Variants in RNF150 observed in about 807,000 individuals in gnomAD.
RNF150 encodes the protein ring finger protein 150.
In RNF150, 24 loss-of-function variants were observed where a neutral mutation model predicts 39.3. The ratio of observed to expected loss-of-function variants is 0.61; its 90% CI spans 0.44 to 0.86. The LOEUF (loss-of-function observed/expected upper bound fraction) is 0.86, where lower values mean the gene tolerates loss of function less well. RNF150 is among the 40% of genes least tolerant of loss of function. The probability of loss-of-function intolerance (pLI) is 0.00; values close to 1 mark genes in which losing one functional copy is unlikely to be tolerated. For missense variants in RNF150, 502 were observed against 587.8 expected (o/e 0.85, Z 1.51); for synonymous variants, 255 against 227.3 (o/e 1.12, Z -1.10).
At chr4:141,134,067 T>C (rs1036709282), upstream of RNF150, among the ~76,000 whole-genome samples, 1 of 152,212 alleles carries the variant, frequency 6.6e-6, no homozygotes, top group Non-Finnish European at 1.5e-5. Context: ...TTCGTTTTCT[T>C]ATAGAATAGG....
At chr4:140,971,665 A>G (rs1282459222) in intron 1 of RNF150, among the ~76,000 whole-genome samples, 1 of 152,174 alleles carries the variant, frequency 6.6e-6, no homozygotes, top group East Asian at 1.9e-4. Context: ...CTGTATTTTT[A>G]GTGCTTCCTT....
chr4:141,088,961 T>C (rs1353711931), intron 1 of RNF150, among the ~76,000 whole-genome samples: 1 of 152,184 alleles, frequency 6.6e-6, no homozygotes, highest in East Asian at 1.9e-4. Context: ...CAGCTTCTAG[T>C]ATTTTACATA....
intron 1 of RNF150, among the ~76,000 whole-genome samples, chr4:141,085,522 G>A (rs888243657): frequency 6.6e-6 from 1 of 152,198 alleles, no homozygotes. Flanking sequence ...CCTGACATGT[G>A]AGTGAAGATG....
At chr4:141,008,283 G>A (rs974156792) in intron 1 of RNF150, among the ~76,000 whole-genome samples, 2 of 152,074 alleles carry the variant, frequency 1.3e-5, no homozygotes, top group East Asian at 3.9e-4. Context: ...ATATTGGGTT[G>A]GCTTTCTTAC....
At chr4:141,053,583 A>G in intron 1 of RNF150, 1 of 637,256 alleles carries the variant, frequency 1.6e-6, no homozygotes, top group Non-Finnish European at 2.3e-6. Flanking sequence ...TAATGGGGAA[A>G]GAAAATTGAT....
At position 141,089,075 on chromosome 4, in the gene RNF150, T is replaced by C. The variant is rs529451349; in HGVS notation, c.484+43250A>G. On this transcript the variant is annotated intron_variant, in intron 1 of 6. Transcript: ENST00000515673. ...AGGCAATGTCCAGTGAGGTGTTCTA[T>C]GGCCCAGAGGCCCTCAGAAATGCAA... is the stretch of plus-strand genomic sequence containing the variant. Among the ~76,000 whole-genome samples the C allele has an allele frequency of 8.5e-5, 13 of 152,294 alleles. 1 individual carries two copies. The South Asian group carries it at 2.7e-3, about 32-fold the overall frequency.
At chr4:141,190,059 T>C (rs1234951182) in intron 1 of RNF150, among the ~76,000 whole-genome samples, 2 of 152,128 alleles carry the variant, frequency 1.3e-5, no homozygotes, top group African/African-American at 4.8e-5. Context: ...CAGTCCCTTA[T>C]GGCTTCCCTT....
At chr4:141,202,011 C>T (rs1329617602) in intron 1 of RNF150, among the ~76,000 whole-genome samples, 2 of 152,078 alleles carry the variant, frequency 1.3e-5, no homozygotes, top group South Asian at 2.1e-4. Flanking sequence ...TGTGAGGGCA[C>T]AGCAAGATGG....
intron 1 of RNF150, among the ~76,000 whole-genome samples, chr4:141,198,932 G>A (rs961734234): frequency 1.4e-4 from 21 of 152,236 alleles, no homozygotes; most frequent in African/African-American, 4.6e-4. Flanking sequence ...AGAATGAAAA[G>A]ACAATTTACA....
chr4:140,934,224 G>T (rs534090962), intron 4 of RNF150, among the ~76,000 whole-genome samples: 6 of 152,222 alleles, frequency 3.9e-5, no homozygotes. Flanking sequence ...TGGCCAGGCT[G>T]GTCTGGAACT....
intron 1 of RNF150, among the ~76,000 whole-genome samples, chr4:141,162,535 G>C (rs1363513852): frequency 2.0e-5 from 3 of 152,236 alleles, no homozygotes; most frequent in Non-Finnish European, 4.4e-5. Flanking sequence ...AATAGGAACA[G>C]CTCCTGTCTG....
intron 1 of RNF150, among the ~76,000 whole-genome samples, chr4:141,034,955 G>T (rs1020036074): frequency 1.2e-4 from 18 of 152,184 alleles, no homozygotes; most frequent in Admixed American, 6.5e-5. Context: ...GTGAGCAAAT[G>T]TTGTTGGAAA....
intron 1 of RNF150, among the ~76,000 whole-genome samples, chr4:140,998,814 T>A (rs1414577375): frequency 6.6e-6 from 1 of 152,188 alleles, no homozygotes; most frequent in Non-Finnish European, 1.5e-5. Flanking sequence ...GCTTCCTTAG[T>A]TCCTTCCAGC....
In RNF150 at chr4:140,973,122, A is replaced by T. The variant is rs1733526728; in HGVS notation, c.485-5249T>A. On this transcript the variant is annotated intron_variant, in intron 1 of 6. Coordinates refer to ENST00000515673, the MANE Select transcript of RNF150 (RefSeq NM_020724.2). ...TACAGAGGGGAATCCATATTGACAAATGCAGACTGTACCTCCCTACCATCA... is the reference window on the plus strand; with the variant it reads ...TACAGAGGGGAATCCATATTGACAATTGCAGACTGTACCTCCCTACCATCA... 4.6e-5 allele frequency among the ~76,000 whole-genome samples: 7 copies of T among 152,302 alleles called. No homozygotes were observed. In the South Asian group the frequency reaches 1.5e-3, roughly 32 times the overall value.
At chr4:141,147,471 T>C (rs1264611386) in intron 1 of RNF150, among the ~76,000 whole-genome samples, 1 of 152,160 alleles carries the variant, frequency 6.6e-6, no homozygotes, top group African/African-American at 2.4e-5. Flanking sequence ...AAGTTAATAT[T>C]CCATTGCCTA....
At chr4:141,200,660 G>A (rs1483746744) in intron 1 of RNF150, among the ~76,000 whole-genome samples, 1 of 152,138 alleles carries the variant, frequency 6.6e-6, no homozygotes, top group Non-Finnish European at 1.5e-5. Context: ...AATTTGGTGT[G>A]TGTGTTGGGA....
At chr4:141,131,188 C>T (rs768603894) in intron 1 of RNF150, among the ~76,000 whole-genome samples, 2 of 152,230 alleles carry the variant, frequency 1.3e-5, no homozygotes, top group Non-Finnish European at 2.9e-5. Flanking sequence ...GTAGCCAGAG[C>T]TTGGTGTTCC....
chr4:141,208,668 G>A (rs1728415752), intron 1 of RNF150, among the ~76,000 whole-genome samples: 1 of 152,148 alleles, frequency 6.6e-6, no homozygotes, highest in African/African-American at 2.4e-5. Context: ...AACTAAACAG[G>A]GTTAAGGTCT....
rs147690768 is a variant in RNF150 at position 141,057,396 on chromosome 4, T to C, written c.484+74929A>G. The stretch of plus-strand genomic sequence containing the variant: ...AAGCTATCAGCAAAAAGGTTCATGG[T>C]GTTACTTCTTTTAAAAAATTAAGTT... On this transcript the variant is annotated intron_variant, in intron 1 of 6. Transcript: ENST00000515673. 8.5e-3 allele frequency among the ~76,000 whole-genome samples: 1,287 copies of C among 152,138 alleles called. 15 individuals are homozygous for C. The highest frequency in any genetic ancestry group is 0.029 in the African/African-American group (1,205 of 41,514).
Sources: allele counts gnomAD v4.1 joint callset (sites outside exome capture counted in the v4.1 genomes callset), GRCh38; gene constraint gnomAD v4.1.1; transcripts MANE v1.5; gene names NCBI Gene and HGNC (gene_info 2026-07-23, HGNC 2026-07-21).